Variants in KANK2 observed in about 807,000 individuals in gnomAD.
KANK2 encodes the protein KN motif and ankyrin repeat domain-containing protein 2.
KANK2 carries 41 observed loss-of-function variants against 74.6 expected under a neutral mutation model. The ratio of observed to expected loss-of-function variants is 0.55; its 90% CI spans 0.43 to 0.71. The LOEUF is 0.71. KANK2 is among the 30% of genes least tolerant of loss of function. The pLI, the probability that KANK2 is intolerant of heterozygous loss-of-function variation, is 0.00. For missense variants in KANK2, 1,148 were observed against 1,196.4 expected (o/e 0.96, Z 0.60); for synonymous variants, 537 against 519.0 (o/e 1.03, Z -0.47).
rs777653062 is a variant in KANK2, at chr19:11,173,111, A to G, written c.2081T>C (p.Val694Ala). The G allele has an allele frequency of 3.1e-6, 5 of 1,613,282 alleles. No individual in the cohort carries two copies. The highest frequency in any genetic ancestry group is 1.1e-5 in the South Asian group (1 of 91,000). ...GTAGCCAGCACGGTTCTGTTTGTCC[A>G]CCTTGCAGACACCTAAGAGACATGG... Reference protein sequence around the residue: ...QQLLDSGVCKVDKQNRAGYSP... With the variant: ...QQLLDSGVCKADKQNRAGYSP... The change falls in exon 10 of 13, where the codon GTG (valine) becomes GCG (alanine). Residue 694 changes from valine to alanine, a missense_variant. Transcript: ENST00000586659.
intron 4 of KANK2, among the ~76,000 whole-genome samples, chr19:11,180,712 GAAAC>G (rs906529595): frequency 7.9e-5 from 12 of 152,112 alleles, no homozygotes; most frequent in Admixed American, 6.6e-4. Context: ...AAATTCACGT[GAAAC>G]AAACAAACAT....
intron 4 of KANK2, among the ~76,000 whole-genome samples, chr19:11,190,175 T>A (rs2078800257): frequency 6.6e-6 from 1 of 151,908 alleles, no homozygotes; most frequent in South Asian, 2.1e-4. Flanking sequence ...CTCACTGTCA[T>A]CCAGGCTAGA....
At chr19:11,176,958 T>A in intron 6 of KANK2, 141 bp from the exon 7 acceptor site, 2 of 992,564 alleles carry the variant, frequency 2.0e-6, no homozygotes, top group Non-Finnish European at 2.8e-6. Flanking sequence ...CATTCCAGGG[T>A]TGTGGGATGT....
rs765034451 is a variant in KANK2, at chr19:11,169,941, GCCA to G, written c.2435_2437del (p.Val812del). ...AATCTCACTCTGCCCTGCGTCCAAG[GCCA>G]CCATCAGAGCTGTGCTCCCATCCTG... On this transcript the variant is annotated inframe_deletion, in exon 12 of 13. Coordinates refer to ENST00000586659, the MANE Select transcript of KANK2 (RefSeq NM_001136191.3). The G allele has an allele frequency of 6.2e-7, 1 of 1,614,172 alleles. No individual in the cohort carries two copies. Among genetic ancestry groups the G allele is most frequent in the Admixed American group, 1.7e-5 (1 of 60,020 alleles).
At chr19:11,184,441 G>A (rs1177296877) in intron 4 of KANK2, among the ~76,000 whole-genome samples, 5 of 150,010 alleles carry the variant, frequency 3.3e-5, no homozygotes, top group Admixed American at 1.3e-4. Context: ...GGGGAGTGCC[G>A]GAGTTTGGCA....
intron 9 of KANK2, among the ~76,000 whole-genome samples, chr19:11,173,834 T>G (rs2078249236): frequency 6.6e-6 from 1 of 151,978 alleles, no homozygotes; most frequent in Non-Finnish European, 1.5e-5. Context: ...TCTCACTCAT[T>G]AGACTAGGAG....
intron 8 of KANK2, among the ~76,000 whole-genome samples, chr19:11,174,960 T>C (rs868553497): frequency 0.081 from 11,954 of 148,374 alleles, 665 homozygotes; most frequent in East Asian, 0.2. Flanking sequence ...TCTCTCTCTT[T>C]TTTTTTTTTT....
At chr19:11,173,211 T>C (rs1188851553) in intron 9 of KANK2, 88 bp from the exon 10 acceptor site, 15 of 1,415,554 alleles carry the variant, frequency 1.1e-5, no homozygotes, top group Non-Finnish European at 1.4e-5. Flanking sequence ...CGTCCATCAG[T>C]CTAGGCATGC....
At chr19:11,174,448 G>T (rs560456337) in intron 9 of KANK2, 25 bp downstream of exon 9, 3 of 1,569,576 alleles carry the variant, frequency 1.9e-6, no homozygotes, top group African/African-American at 1.4e-5. Flanking sequence ...GTTTAGAGCC[G>T]CCTCGTCCTC....
intron 9 of KANK2, among the ~76,000 whole-genome samples, 173 bp from the exon 10 acceptor site, chr19:11,173,296 A>G (rs888346895): frequency 1.3e-5 from 2 of 152,314 alleles, no homozygotes; most frequent in Non-Finnish European, 2.9e-5. Context: ...TGGGGCTCCT[A>G]AAGTTGGAGA....
Position 11,193,041 on chromosome 19 carries a change from C to G in KANK2, c.1039G>C (p.Ala347Pro). ...REVEVVASTA[A>P]GAPAQRAQSL... ...TGGGCCCGCTGTGCGGGGGCGCCAG[C>G]GGCTGTGCTGGCCACCACCTCCACC... is the stretch of plus-strand genomic sequence containing the variant. Residue 347 changes from alanine (A) to proline (P), a missense_variant, in exon 4 of 13, where the codon GCT (alanine) becomes CCT (proline). Transcript: ENST00000586659. This position sits in a 1 kb window ranked among gnomAD's most constrained non-coding sequence, Gnocchi z 9.6. 1 of 1,611,520 alleles carries G rather than the reference C, an allele frequency of 6.2e-7. No individual in the cohort carries two copies. The highest frequency in any genetic ancestry group is 8.5e-7 in the Non-Finnish European group (1 of 1,179,026).
At chr19:11,192,747 T>G in intron 4 of KANK2, 84 bp downstream of exon 4, 1 of 1,537,732 alleles carries the variant, frequency 6.5e-7, no homozygotes, top group Non-Finnish European at 8.9e-7. Context: ...GACCCTGGCG[T>G]TCTGAGAGTC....
chr19:11,169,779 C>G, intron 12 of KANK2, 98 bp downstream of exon 12: 1 of 1,022,676 alleles, frequency 9.8e-7, no homozygotes, highest in South Asian at 1.4e-5. Flanking sequence ...CCACCCTGGG[C>G]GACAGAGTGA....
At chr19:11,196,277 C>G (rs1233557694) in intron 1 of KANK2, 1 of 152,212 alleles carries the variant, frequency 6.6e-6, no homozygotes, top group Non-Finnish European at 1.5e-5. Context: ...AGGCTGGTCT[C>G]GAACTCCTGA....
chr19:11,187,501 G>A (rs571516756), intron 4 of KANK2, among the ~76,000 whole-genome samples: 1 of 152,076 alleles, frequency 6.6e-6, no homozygotes, highest in Non-Finnish European at 1.5e-5. Flanking sequence ...GATGGGGTGG[G>A]GGTGGCACTG....
chr19:11,173,884 C>T (rs193296317), intron 9 of KANK2, among the ~76,000 whole-genome samples: 225 of 152,280 alleles, frequency 1.5e-3, no homozygotes, highest in Middle Eastern at 0.01. Context: ...ACAGCGTCTC[C>T]TCTATCAGAC....
At chr19:11,186,834 G>A (rs2078690281) in intron 4 of KANK2, among the ~76,000 whole-genome samples, 1 of 152,234 alleles carries the variant, frequency 6.6e-6, no homozygotes, top group Admixed American at 6.5e-5. Context: ...GGATCAGACA[G>A]GACTTGGAGT....
intron 8 of KANK2, among the ~76,000 whole-genome samples, chr19:11,175,067 C>T (rs1461507586): frequency 2.0e-5 from 3 of 151,778 alleles, no homozygotes; most frequent in Non-Finnish European, 2.9e-5. Context: ...AAGCTATCCT[C>T]CCGCCTCTGC....
intron 4 of KANK2, among the ~76,000 whole-genome samples, chr19:11,190,591 C>A (rs115254162): frequency 6.6e-6 from 1 of 152,272 alleles, no homozygotes; most frequent in South Asian, 2.1e-4. Flanking sequence ...CTCCACCTCT[C>A]TAGAGGTGGA....
Sources: allele counts gnomAD v4.1 joint callset (sites outside exome capture counted in the v4.1 genomes callset), GRCh38; gene constraint gnomAD v4.1.1; non-coding constraint Gnocchi (gnomAD v3.1); transcripts MANE v1.5; gene names NCBI Gene and HGNC (gene_info 2026-07-23, HGNC 2026-07-21).